The following CALN1 variants were observed in gnomAD, a reference collection of about 807,000 sequenced individuals.
The protein encoded by CALN1 is calcium-binding protein 8.
CALN1 carries 17 observed loss-of-function variants against 30.6 expected under a neutral mutation model. The observed-to-expected ratio is 0.56, with a 90% CI of 0.38 to 0.83. The LOEUF (loss-of-function observed/expected upper bound fraction) is 0.83. Among genes scored for constraint, CALN1 ranks in the 40% least tolerant of loss-of-function variants. CALN1 has a pLI of 0.00. For missense variants in CALN1, 291 were observed against 354.9 expected, an observed-to-expected ratio of 0.82 and a Z score of 1.45; for synonymous variants, 156 against 131.4, an observed-to-expected ratio of 1.19 and a Z score of -1.28.
intron 3 of CALN1, among the ~76,000 whole-genome samples, chr7:72,151,724 T>A (rs1003747719): frequency 1.3e-5 from 2 of 151,984 alleles, no homozygotes; most frequent in African/African-American, 4.8e-5. Flanking sequence ...GTTGTTGTTG[T>A]TGTTAGAGAC....
At chr7:71,969,046 C>G (rs1429362754) in intron 5 of CALN1, among the ~76,000 whole-genome samples, 1 of 150,204 alleles carries the variant, frequency 6.7e-6, no homozygotes, top group Admixed American at 6.6e-5. Flanking sequence ...GAGCCTCTAT[C>G]TCAAAAGAAA....
chr7:72,286,314 C>G (rs543017434), intron 2 of CALN1, among the ~76,000 whole-genome samples: 2 of 152,252 alleles, frequency 1.3e-5, no homozygotes, highest in African/African-American at 4.8e-5. Context: ...TTTTTTTCCT[C>G]TAGCTACTCA....
intron 3 of CALN1, among the ~76,000 whole-genome samples, chr7:72,223,248 G>A (rs1793434288): frequency 6.6e-6 from 1 of 152,114 alleles, no homozygotes; most frequent in African/African-American, 2.4e-5. Context: ...CTGAAATTGA[G>A]GTGGAGCTGG....
chr7:72,211,650 G>A (rs1319762404), intron 3 of CALN1, among the ~76,000 whole-genome samples: 1 of 152,214 alleles, frequency 6.6e-6, no homozygotes, highest in Admixed American at 6.5e-5. Flanking sequence ...TTCTATGAAT[G>A]TTAGCTATCG....
intron 3 of CALN1, among the ~76,000 whole-genome samples, chr7:72,134,534 C>G (rs1378430449): frequency 1.3e-5 from 2 of 152,196 alleles, no homozygotes; most frequent in African/African-American, 4.8e-5. Flanking sequence ...TTACATTATA[C>G]TTTTGTCTAT....
chr7:72,054,105 G>T (rs751080016), intron 4 of CALN1, among the ~76,000 whole-genome samples: 13 of 152,136 alleles, frequency 8.5e-5, no homozygotes, highest in Non-Finnish European at 5.9e-5. Flanking sequence ...CTATAAACAC[G>T]CATGTGCAAG....
chr7:72,362,310 TAGA>T (rs1395851066), intron 2 of CALN1, among the ~76,000 whole-genome samples: 3 of 152,176 alleles, frequency 2.0e-5, no homozygotes, highest in African/African-American at 4.8e-5. Context: ...AGTGAAGATA[TAGA>T]AGATTTCCAC....
chr7:72,407,232 G>A, intron 1 of CALN1, among the ~76,000 whole-genome samples: 1 of 152,070 alleles, frequency 6.6e-6, no homozygotes, highest in East Asian at 1.9e-4. Context: ...AACCTCTCTG[G>A]GCTTCACTTT....
the CALN1 span, among the ~76,000 whole-genome samples, chr7:72,499,365 ATAT>A: frequency 6.6e-6 from 1 of 152,090 alleles, no homozygotes; most frequent in Non-Finnish European, 1.5e-5. Flanking sequence ...AAGAGGAATA[ATAT>A]TATTTGGAAA....
chr7:72,065,389 G>A (rs1361795490), intron 4 of CALN1, among the ~76,000 whole-genome samples: 2 of 139,270 alleles, frequency 1.4e-5, no homozygotes, highest in African/African-American at 5.4e-5. Context: ...CCCTGCCCCT[G>A]CCCCAGCTGG....
At chr7:72,373,500 C>T (rs976986376) in intron 2 of CALN1, among the ~76,000 whole-genome samples, 1 of 152,144 alleles carries the variant, frequency 6.6e-6, no homozygotes, top group African/African-American at 2.4e-5. Flanking sequence ...CTGTTTTTCA[C>T]TTTCAGGACA....
the CALN1 span, among the ~76,000 whole-genome samples, chr7:72,483,786 GT>G: frequency 6.6e-6 from 1 of 151,040 alleles, no homozygotes; most frequent in South Asian, 2.1e-4. Context: ...TCTGTTCCTT[GT>G]TTTCTCTCTT....
At chr7:72,432,185 T>C (rs1807999806) in intron 1 of CALN1, among the ~76,000 whole-genome samples, 1 of 152,160 alleles carries the variant, frequency 6.6e-6, no homozygotes, top group Non-Finnish European at 1.5e-5. Context: ...TGAGTGAGTC[T>C]CATGAGACCT....
At chr7:71,939,998 T>A (rs964960225) in intron 5 of CALN1, among the ~76,000 whole-genome samples, 4 of 152,228 alleles carry the variant, frequency 2.6e-5, no homozygotes, top group Non-Finnish European at 5.9e-5. Flanking sequence ...TTCAGCCAGC[T>A]TATAGAGGCT....
At chr7:72,316,809 G>A (rs143315486) in intron 2 of CALN1, among the ~76,000 whole-genome samples, 49 of 151,922 alleles carry the variant, frequency 3.2e-4, no homozygotes, top group African/African-American at 1.1e-3. Flanking sequence ...GCTGTGCATG[G>A]TGTCACATGC....
intron 3 of CALN1, among the ~76,000 whole-genome samples, chr7:72,122,546 G>A (rs990299321): frequency 6.6e-6 from 1 of 152,068 alleles, no homozygotes; most frequent in African/African-American, 2.4e-5. Context: ...AGACTAACCT[G>A]GGCAACTATC....
chr7:72,041,650 C>CT (rs1335508900), intron 4 of CALN1, among the ~76,000 whole-genome samples: 6 of 152,158 alleles, frequency 3.9e-5, no homozygotes, highest in African/African-American at 1.4e-4. Context: ...TCCCAAAGTG[C>CT]TGGGATTACA....
chr7:72,431,042 G>A (rs565701983), intron 1 of CALN1, among the ~76,000 whole-genome samples: 34 of 140,806 alleles, frequency 2.4e-4, no homozygotes, highest in Non-Finnish European at 4.0e-4. Context: ...CGATTCTCCT[G>A]CCTCAGTCTC....
chr7:72,157,038 A>G lies in CALN1; in HGVS notation c.245-50744T>C, dbSNP rs377400586. Reference sequence around the variant, plus strand: ...ATGAAATGACATAAACGCCAGTCAAATTGATGGAAGTATAAAACAATGTAC... The same window carrying G: ...ATGAAATGACATAAACGCCAGTCAAGTTGATGGAAGTATAAAACAATGTAC... On this transcript the variant is annotated intron_variant, in intron 3 of 6. Coordinates refer to ENST00000395275, the MANE Select transcript of CALN1 (RefSeq NM_031468.4). Among the ~76,000 whole-genome samples the G allele has an allele frequency of 1.4e-4, 22 of 152,332 alleles. No individual in the cohort carries two copies. In the East Asian group the frequency reaches 2.7e-3, roughly 19 times the overall value.
Sources: gnomAD v4.1 joint callset for allele counts (sites outside exome capture counted in the v4.1 genomes callset) on GRCh38, gnomAD v4.1.1 for gene constraint, MANE v1.5 for transcripts, NCBI Gene and HGNC (gene_info 2026-07-23, HGNC 2026-07-21) for gene names.